Variants in CEP83 observed in about 807,000 individuals in gnomAD.
CEP83 encodes the protein centrosomal protein 83, also known as centrosomal protein of 83 kDa.
A neutral mutation model predicts 101.9 loss-of-function variants in CEP83; 70 were observed. The ratio of observed to expected loss-of-function variants is 0.69; its 90% CI spans 0.57 to 0.84. The LOEUF is 0.84. Among genes scored for constraint, CEP83 ranks in the 40% least tolerant of loss-of-function variants. The pLI is 0.00. For missense variants in CEP83, 715 were observed against 787.2 expected (o/e 0.91, Z 1.10); for synonymous variants, 264 against 267.9 (o/e 0.99, Z 0.14).
intron 11 of CEP83, among the ~76,000 whole-genome samples, chr12:94,356,529 G>A (rs1321321006): frequency 6.6e-6 from 1 of 152,130 alleles, no homozygotes. Context: ...GCAGGAATTC[G>A]GCAAGCTAGA....
intron 8 of CEP83, among the ~76,000 whole-genome samples, chr12:94,373,698 T>A (rs182106410): frequency 6.6e-6 from 1 of 152,200 alleles, no homozygotes; most frequent in African/African-American, 2.4e-5. Context: ...CCATCTTTGG[T>A]AATACCTTTT....
intron 3 of CEP83, among the ~76,000 whole-genome samples, 179 bp downstream of exon 3, chr12:94,412,139 A>G (rs775254187): frequency 4.6e-5 from 7 of 152,218 alleles, no homozygotes; most frequent in Non-Finnish European, 7.4e-5. Flanking sequence ...CCCACTTGAT[A>G]TCATACTTAG....
chr12:94,295,975 TCTTC>T, the CEP83 span, among the ~76,000 whole-genome samples: 2 of 152,190 alleles, frequency 1.3e-5, no homozygotes, highest in African/African-American at 4.8e-5. Context: ...GCACCTGCCT[TCTTC>T]CTTGATGCTT....
chr12:94,413,878 T>G (rs1458902766), intron 2 of CEP83, among the ~76,000 whole-genome samples: 1 of 150,422 alleles, frequency 6.6e-6, no homozygotes, highest in Non-Finnish European at 1.5e-5. Context: ...ACATACATAT[T>G]TTTTTCCTGA....
At chr12:94,278,055 G>A in the CEP83 span, 2 of 455,838 alleles carry the variant, frequency 4.4e-6, no homozygotes, top group Admixed American at 4.7e-5. Flanking sequence ...CGGCTTTGGA[G>A]CCCCCCCTCC....
Position 94,313,037 on chromosome 12 carries a change from C to T in CEP83, c.1708-20G>A, listed in dbSNP as rs183937564. ...TTTTCTCTAAAAAGAGAAATATGAA[C>T]AAGTATGTTAATACATAATCTCTTA... On this transcript the variant is annotated intron_variant, in intron 14 of 16. Transcript: ENST00000397809. The T allele has an allele frequency of 5.8e-5, 64 of 1,100,076 alleles. No individual in the cohort carries two copies. In the African/African-American group the frequency reaches 8.0e-4, roughly 14 times the overall value. 68.1% of individuals were successfully genotyped at this position (1,100,076 alleles called of 1,614,324 possible). A position where few individuals can be genotyped will look rare whatever the true frequency, so the allele number is the denominator to read the frequency against.
chr12:94,354,063 A>C (rs1175670981), intron 11 of CEP83, among the ~76,000 whole-genome samples: 1 of 152,196 alleles, frequency 6.6e-6, no homozygotes, highest in East Asian at 1.9e-4. Flanking sequence ...TCAATACCCC[A>C]CTCTCTGCAT....
intron 2 of CEP83, among the ~76,000 whole-genome samples, chr12:94,423,165 G>A (rs567679698): frequency 3.4e-4 from 52 of 151,900 alleles, no homozygotes; most frequent in African/African-American, 1.1e-3. Context: ...GTTCATCACA[G>A]CCTCTGCCTC....
At chr12:94,439,006 C>T (rs1264726952) in intron 1 of CEP83, among the ~76,000 whole-genome samples, 2 of 152,112 alleles carry the variant, frequency 1.3e-5, no homozygotes, top group Admixed American at 1.3e-4. Flanking sequence ...CAACCCTCTG[C>T]AATACAGCAA....
At chr12:94,279,285 T>C in the CEP83 span, among the ~76,000 whole-genome samples, 2 of 152,234 alleles carry the variant, frequency 1.3e-5, no homozygotes, top group Admixed American at 6.5e-5. Flanking sequence ...ACTTTCTGTT[T>C]TCCCTTCCAT....
At chr12:94,443,729 C>T (rs1022495987) in intron 1 of CEP83, among the ~76,000 whole-genome samples, 44 of 152,040 alleles carry the variant, frequency 2.9e-4, no homozygotes, top group African/African-American at 1.0e-3. Flanking sequence ...TCAAGTGATC[C>T]ACCCACCTTG....
intron 6 of CEP83, 29 bp from the exon 7 acceptor site, chr12:94,379,071 A>T: frequency 6.6e-7 from 1 of 1,523,166 alleles, no homozygotes; most frequent in South Asian, 1.2e-5. Flanking sequence ...AAAGCATACA[A>T]GGTTAAATTA....
the CEP83 span, among the ~76,000 whole-genome samples, chr12:94,269,129 G>C: frequency 1.3e-5 from 2 of 152,176 alleles, no homozygotes; most frequent in Non-Finnish European, 2.9e-5. Flanking sequence ...GAATTAGCAA[G>C]AGAAGGTTGA....
Position 94,401,542 on chromosome 12 carries a change from C to T in CEP83, c.418-561G>A, listed in dbSNP as rs182952366. Among the ~76,000 whole-genome samples the T allele has an allele frequency of 2.5e-3, 384 of 152,270 alleles. 2 individuals are homozygous for T. The highest frequency in any genetic ancestry group is 8.0e-3 in the African/African-American group (331 of 41,550). On this transcript the variant is annotated intron_variant, in intron 5 of 16. Transcript: ENST00000397809. ...GGAGTGTTCTCATCCTGCTTCCTAA[C>T]AGTACTCTATGAAAGCTGCTGGCAT...
the CEP83 span, among the ~76,000 whole-genome samples, chr12:94,284,098 A>G: frequency 4.6e-5 from 7 of 151,792 alleles, no homozygotes; most frequent in African/African-American, 1.7e-4. Context: ...AAAAAAAAAA[A>G]AAAAAAAAAA....
At chr12:94,310,170 CACAG>C in intron 15 of CEP83, 63 bp from the exon 16 acceptor site, 2 of 680,302 alleles carry the variant, frequency 2.9e-6, no homozygotes, top group Non-Finnish European at 4.6e-6. Context: ...CAGTATGATT[CACAG>C]AATATAATTT....
chr12:94,409,132 G>A (rs944724208), intron 4 of CEP83, among the ~76,000 whole-genome samples: 1 of 151,400 alleles, frequency 6.6e-6, no homozygotes, highest in Non-Finnish European at 1.5e-5. Context: ...CTTGATCTTT[G>A]TTGAATTTAC....
intron 14 of CEP83, among the ~76,000 whole-genome samples, chr12:94,319,682 A>G (rs1403685213): frequency 1.3e-5 from 2 of 152,066 alleles, no homozygotes; most frequent in East Asian, 1.9e-4. Flanking sequence ...TTGAGCAATT[A>G]TATTTTTAGT....
intron 1 of CEP83, among the ~76,000 whole-genome samples, chr12:94,443,553 C>T (rs1311261173): frequency 2.0e-5 from 3 of 152,030 alleles, no homozygotes; most frequent in African/African-American, 4.8e-5. Flanking sequence ...AGTACAATGG[C>T]GCAATCTCAG....
Sources: gnomAD v4.1 joint callset for allele counts (sites outside exome capture counted in the v4.1 genomes callset) on GRCh38, gnomAD v4.1.1 for gene constraint, MANE v1.5 for transcripts, NCBI Gene and HGNC (gene_info 2026-07-23, HGNC 2026-07-21) for gene names.